The following SCARB2 variants were observed in gnomAD, a reference collection of about 807,000 sequenced individuals.
SCARB2 encodes the protein lysosome membrane protein 2.
A neutral mutation model predicts 58.6 loss-of-function variants in SCARB2; 29 were observed. That is an observed-to-expected ratio of 0.49 (90% confidence interval 0.37 to 0.67). SCARB2 has a LOEUF of 0.67. Ranked by LOEUF, SCARB2 falls within the 30% of genes least tolerant of loss-of-function variation. The pLI is 0.00. For synonymous variants in SCARB2, 195 were observed against 210.1 expected (o/e 0.93, Z 0.62); for missense variants, 488 against 578.5 (o/e 0.84, Z 1.60).
At chr4:76,214,033 C>A (rs902952528), upstream of SCARB2, 1 of 270,964 alleles carries the variant, frequency 3.7e-6, no homozygotes, top group African/African-American at 2.4e-5. Context: ...CCGGCCTGGC[C>A]GCTCCCAGCG....
chr4:76,174,574 C>G, intron 6 of SCARB2: 1 of 438,204 alleles, frequency 2.3e-6, no homozygotes, highest in South Asian at 2.2e-5. Context: ...AAGATGATAA[C>G]ATTTAGAATG....
At chr4:76,212,983 C>A (rs987080605) in intron 1 of SCARB2, 7 of 266,974 alleles carry the variant, frequency 2.6e-5, no homozygotes, top group African/African-American at 1.6e-4. Context: ...ACACAATAGA[C>A]CGCACACCCA....
intron 1 of SCARB2, among the ~76,000 whole-genome samples, chr4:76,202,172 T>C (rs1732840136): frequency 6.6e-6 from 1 of 152,258 alleles, no homozygotes; most frequent in Non-Finnish European, 1.5e-5. Context: ...ATAACATTAC[T>C]ACAAATGTGC....
At chr4:76,186,854 AT>A (rs1239198002) in intron 2 of SCARB2, among the ~76,000 whole-genome samples, 1 of 151,204 alleles carries the variant, frequency 6.6e-6, no homozygotes, top group Non-Finnish European at 1.5e-5. Flanking sequence ...ATCTGTTTCT[AT>A]TTTGGCAAAA....
At chr4:76,229,564 T>C (rs566540041) in intron 1 of SCARB2, among the ~76,000 whole-genome samples, 1 of 152,340 alleles carries the variant, frequency 6.6e-6, no homozygotes, top group South Asian at 2.1e-4. Flanking sequence ...TCCCTTTCCC[T>C]AGGGACGTGG....
At chr4:76,203,462 C>T (rs76077919) in intron 1 of SCARB2, among the ~76,000 whole-genome samples, 3,596 of 152,318 alleles carry the variant, frequency 0.024, 122 homozygotes, top group African/African-American at 0.082. Context: ...TCTTTGCTTC[C>T]TCAGTAGTGG....
chr4:76,199,554 C>T (rs1351068971), intron 1 of SCARB2, among the ~76,000 whole-genome samples: 1 of 152,056 alleles, frequency 6.6e-6, no homozygotes, highest in East Asian at 1.9e-4. Flanking sequence ...CGAAATATCA[C>T]ACGAGACAGA....
intron 2 of SCARB2, chr4:76,192,747 G>A (rs1179151259): frequency 6.6e-6 from 1 of 152,152 alleles, no homozygotes; most frequent in Non-Finnish European, 1.5e-5. Context: ...AGATACTTGG[G>A]AGGCTGAGGC....
chr4:76,202,457 C>T (rs1211869610), intron 1 of SCARB2, among the ~76,000 whole-genome samples: 2 of 152,108 alleles, frequency 1.3e-5, no homozygotes, highest in Non-Finnish European at 2.9e-5. Context: ...GAAAGGGCTT[C>T]ACCATGTTAG....
At chr4:76,222,920 G>C (rs537031458) in intron 1 of SCARB2, among the ~76,000 whole-genome samples, 7 of 152,188 alleles carry the variant, frequency 4.6e-5, no homozygotes, top group Non-Finnish European at 1.0e-4. Context: ...AAGAAAGGCA[G>C]GGGGGGAAGA....
intron 1 of SCARB2, among the ~76,000 whole-genome samples, chr4:76,223,362 T>C (rs1370174014): frequency 2.0e-5 from 3 of 152,172 alleles, no homozygotes; most frequent in Non-Finnish European, 4.4e-5. Context: ...AGTGGTACAG[T>C]AGCCCACCCC....
At chr4:76,206,148 C>A (rs1024472734) in intron 1 of SCARB2, among the ~76,000 whole-genome samples, 6 of 152,098 alleles carry the variant, frequency 3.9e-5, no homozygotes, top group Admixed American at 2.6e-4. Flanking sequence ...AGTGAGAAGA[C>A]CATAATCTAT....
At chr4:76,230,497 C>T (rs1053020895) in intron 1 of SCARB2, among the ~76,000 whole-genome samples, 1 of 152,204 alleles carries the variant, frequency 6.6e-6, no homozygotes, top group Admixed American at 6.5e-5. Context: ...TGTCTGCCCA[C>T]ACGATGGGCC....
At chr4:76,228,933 C>CA (rs35309219) in intron 1 of SCARB2, among the ~76,000 whole-genome samples, 140,398 of 152,226 alleles carry the variant, frequency 0.92, 65,753 homozygotes, top group East Asian at 1. Flanking sequence ...ATAAATTTCC[C>CA]AACTTTTAAA....
intron 1 of SCARB2, among the ~76,000 whole-genome samples, chr4:76,204,922 A>G (rs189350989): frequency 6.6e-6 from 1 of 152,330 alleles, no homozygotes; most frequent in African/African-American, 2.4e-5. Flanking sequence ...TAAAATGGGA[A>G]TTGTGGGCGC....
intron 1 of SCARB2, among the ~76,000 whole-genome samples, chr4:76,197,160 C>T (rs1732731384): frequency 6.6e-6 from 1 of 152,210 alleles, no homozygotes; most frequent in African/African-American, 2.4e-5. Context: ...ATTTCTGTTG[C>T]TTAAGCCACC....
intron 1 of SCARB2, among the ~76,000 whole-genome samples, chr4:76,196,642 C>G (rs903201573): frequency 1.3e-5 from 2 of 152,192 alleles, no homozygotes; most frequent in African/African-American, 2.4e-5. Context: ...AAACCACATC[C>G]ATCCCTACCG....
chr4:76,220,573 G>A (rs1433113665), intron 1 of SCARB2, among the ~76,000 whole-genome samples: 1 of 152,218 alleles, frequency 6.6e-6, no homozygotes, highest in Admixed American at 6.5e-5. Flanking sequence ...GCTGCAGTGA[G>A]CTGATTGTGC....
intron 2 of SCARB2, among the ~76,000 whole-genome samples, chr4:76,186,183 G>T (rs1488552949): frequency 2.6e-5 from 4 of 152,152 alleles, no homozygotes; most frequent in African/African-American, 9.7e-5. Context: ...AACTGGAAGG[G>T]GACTCCTGCA....
Sources: allele counts gnomAD v4.1 joint callset (sites outside exome capture counted in the v4.1 genomes callset), GRCh38; gene constraint gnomAD v4.1.1; transcripts MANE v1.5; gene names NCBI Gene and HGNC (gene_info 2026-07-23, HGNC 2026-07-21).